LRP1B: variants seen among roughly 807,000 people sequenced by gnomAD.
LRP1B encodes the protein low-density lipoprotein receptor-related protein 1B.
A neutral mutation model predicts 556.6 loss-of-function variants in LRP1B; 217 were observed. The observed-to-expected ratio is 0.39, with a 90% confidence interval of 0.35 to 0.44. LRP1B has a LOEUF of 0.44. Among genes scored for constraint, LRP1B ranks in the 20% least tolerant of loss-of-function variants. LRP1B has a pLI of 1.00. For missense variants in LRP1B, 5,053 were observed against 5,620.8 expected, an observed-to-expected ratio of 0.90 and a Z score of 3.23; for synonymous variants, 2,047 against 1,865.8, an observed-to-expected ratio of 1.10 and a Z score of -2.50.
In LRP1B at chr2:140,767,773, C is replaced by A. The variant is rs553985400; in HGVS notation, c.5758+1440G>T. ...CTCATGGAAATTTATCAAATATTTT[C>A]AAAAATCATTATGGAGTCTTCAAAA... is the stretch of plus-strand genomic sequence containing the variant. On this transcript the variant is annotated intron_variant, in intron 35 of 90. Transcript: ENST00000389484. Among the ~76,000 whole-genome samples, 53 of 151,738 alleles carry A rather than the reference C, an allele frequency of 3.5e-4. No individual in the cohort carries two copies. The South Asian group carries it at 0.011, about 30-fold the overall frequency.
intron 2 of LRP1B, among the ~76,000 whole-genome samples, chr2:141,605,834 A>G (rs144103696): frequency 0.012 from 1,828 of 152,274 alleles, 41 homozygotes; most frequent in African/African-American, 0.041. Flanking sequence ...AGTCAATGTC[A>G]AAAGATTGTC....
chr2:141,165,222 C>A (rs1370396053), intron 7 of LRP1B, among the ~76,000 whole-genome samples: 2 of 151,928 alleles, frequency 1.3e-5, no homozygotes, highest in Admixed American at 6.6e-5. Flanking sequence ...CTTCAGAAAT[C>A]ATCAGCCAAG....
rs538799405 is a variant in LRP1B, at chr2:140,776,192, G to A, written c.5406C>T (p.Thr1802=). Residue 1802 remains threonine (T), a synonymous_variant, in exon 33 of 91, where the codon ACC becomes ACT. Transcript: ENST00000389484. ...WADQNLAQLG[T]CSKRDGRNPT... ...GGTTTCTTCCGTCTCTTTTGCTGCA[G>A]GTTCCTAGCTGGGCTAAGTTTTGGT... 4.4e-6 allele frequency: 7 copies of A among 1,602,126 alleles called. No individual in the cohort carries two copies. The highest frequency in any genetic ancestry group is 1.4e-5 in the African/African-American group (1 of 73,860).
chr2:142,124,593 A>G (rs1707572652), intron 1 of LRP1B, among the ~76,000 whole-genome samples: 1 of 149,310 alleles, frequency 6.7e-6, no homozygotes. Context: ...AAAGACAAAA[A>G]GAAAAATAAT....
chr2:142,052,966 T>C (rs1039399336), intron 1 of LRP1B, among the ~76,000 whole-genome samples: 4 of 152,172 alleles, frequency 2.6e-5, no homozygotes, highest in Non-Finnish European at 5.9e-5. Flanking sequence ...ACAAAAGGAA[T>C]CAAATTTAGA....
At chr2:141,929,352 A>C (rs920103) in intron 1 of LRP1B, among the ~76,000 whole-genome samples, 132,391 of 152,070 alleles carry the variant, frequency 0.87, 57,726 homozygotes, top group East Asian at 1. Flanking sequence ...GGTGTCACAT[A>C]CTTTAATATT....
intron 41 of LRP1B, among the ~76,000 whole-genome samples, chr2:140,682,266 A>G (rs931483460): frequency 1.3e-5 from 2 of 152,140 alleles, no homozygotes; most frequent in African/African-American, 4.8e-5. Flanking sequence ...AATTCTGTCT[A>G]TATTCGTACC....
At position 140,766,024 on chromosome 2, in the gene LRP1B, T is replaced by TA. The variant is rs577747429; in HGVS notation, c.5758+3188dup. On this transcript the variant is annotated intron_variant, in intron 35 of 90. Transcript: ENST00000389484. ...AACTTAAAGTATAATAACAATAAAA[T>TA]AAAAAAAAAGAATAAGAGGCAACTG... Among the ~76,000 whole-genome samples, 257 of 150,728 alleles carry TA rather than the reference T, an allele frequency of 1.7e-3. 1 individual carries two copies. The highest frequency in any genetic ancestry group is 1.9e-3 in the Admixed American group (28 of 15,074).
intron 41 of LRP1B, among the ~76,000 whole-genome samples, chr2:140,605,572 G>T (rs913439360): frequency 6.4e-5 from 9 of 141,454 alleles, no homozygotes; most frequent in East Asian, 2.1e-4. Context: ...TTTCTTTCTT[G>T]CTTGCTTGCT....
At chr2:140,858,704 T>G (rs984588620) in intron 27 of LRP1B, among the ~76,000 whole-genome samples, 3 of 151,996 alleles carry the variant, frequency 2.0e-5, no homozygotes, top group African/African-American at 7.2e-5. Flanking sequence ...CTAGTATCCA[T>G]TAGCGATTTT....
At chr2:142,111,732 T>C (rs1012272021) in intron 1 of LRP1B, among the ~76,000 whole-genome samples, 9 of 152,086 alleles carry the variant, frequency 5.9e-5, no homozygotes, top group African/African-American at 2.2e-4. Context: ...GTGGAATCCA[T>C]GCCAGTCTTA....
chr2:140,448,795 C>T (rs538818980), intron 63 of LRP1B, among the ~76,000 whole-genome samples: 2 of 152,088 alleles, frequency 1.3e-5, no homozygotes, highest in East Asian at 1.9e-4. Flanking sequence ...TGATGTAATG[C>T]ATATGTTAAA....
intron 41 of LRP1B, among the ~76,000 whole-genome samples, chr2:140,626,765 C>T (rs1683678265): frequency 1.4e-5 from 2 of 145,074 alleles, no homozygotes; most frequent in Admixed American, 1.4e-4. Flanking sequence ...AAAATATATC[C>T]AAAATATTCA....
At chr2:141,321,294 G>A (rs971597837) in intron 3 of LRP1B, among the ~76,000 whole-genome samples, 1 of 151,912 alleles carries the variant, frequency 6.6e-6, no homozygotes, top group African/African-American at 2.4e-5. Flanking sequence ...ACAAACATTG[G>A]CTTGTAAAAC....
intron 10 of LRP1B, among the ~76,000 whole-genome samples, chr2:141,049,755 T>C (rs1293458873): frequency 1.3e-5 from 2 of 152,116 alleles, no homozygotes; most frequent in African/African-American, 4.8e-5. Context: ...TGTGACTTAT[T>C]CTTTTTAGAA....
intron 2 of LRP1B, among the ~76,000 whole-genome samples, chr2:141,560,267 T>C (rs1244518018): frequency 6.6e-6 from 1 of 151,766 alleles, no homozygotes; most frequent in East Asian, 1.9e-4. Flanking sequence ...TTCATTCTCC[T>C]TTCCCCAAGG....
chr2:140,840,943 A>C lies in LRP1B; in HGVS notation c.5089T>G (p.Cys1697Gly). ...CCCCTGACTGGGTGAGCTGCAAGAC[A>C]CTGTGGCTTATCGATTCCATGGATA... ...SIIHGIDKPQ[C>G]LAAHPVRGKL... Residue 1697 changes from cysteine (C) to glycine (G), a missense_variant, in exon 30 of 91, where the codon TGT becomes GGT. Cys to Gly is a radical substitution (Grantham distance 159). Coordinates refer to ENST00000389484, the MANE Select transcript of LRP1B (RefSeq NM_018557.3). The C allele has an allele frequency of 6.2e-7, 1 of 1,613,088 alleles. No individual in the cohort carries two copies. The highest frequency in any genetic ancestry group is 1.3e-5 in the African/African-American group (1 of 74,984).
rs760360250 is a variant in LRP1B, at chr2:140,598,759, C to T, written c.7066G>A (p.Val2356Met). 6.2e-7 allele frequency: 1 copy of T among 1,612,986 alleles called. No homozygotes were observed. ...GTGAGTATGTCTGTACTGACCACCACTTGAGCATTTTTCCCAGTCAGAGTA... is the reference window on the plus strand; with the variant it reads ...GTGAGTATGTCTGTACTGACCACCATTTGAGCATTTTTCCCAGTCAGAGTA... The part of the protein sequence containing the change: ...RSTLTGKNAQ[V>M]VVSTDILTPN... Residue 2356 changes from valine to methionine, a missense_variant, in exon 43 of 91, where the codon GTG (valine) becomes ATG (methionine). Physicochemically the swap from Val to Met is conservative, Grantham distance 21 (BLOSUM62 1). Transcript: ENST00000389484.
Position 140,509,981 on chromosome 2 carries a change from T to C in LRP1B, c.8345A>G (p.Asp2782Gly). 3 of 1,613,908 alleles carry C rather than the reference T, an allele frequency of 1.9e-6. No individual in the cohort carries two copies. The highest frequency in any genetic ancestry group is 2.5e-6 in the Non-Finnish European group (3 of 1,180,018). ...RACVPRHWLC[D>G]GERDCPDGSD... ...TCCATCTGGACAGTCCCTTTCACCA[T>C]CACAAAGCCAATGTCGGGGCACGCA... The change falls in exon 52 of 91, where the codon GAT (aspartate) becomes GGT (glycine). Residue 2782 changes from aspartate (D) to glycine (G), a missense_variant. By Grantham distance (94) the Asp-to-Gly change is moderately conservative. Coordinates refer to ENST00000389484, the MANE Select transcript of LRP1B (RefSeq NM_018557.3).
Sources: gnomAD v4.1 joint callset for allele counts (sites outside exome capture counted in the v4.1 genomes callset) on GRCh38, gnomAD v4.1.1 for gene constraint, MANE v1.5 for transcripts, NCBI Gene and HGNC (gene_info 2026-07-23, HGNC 2026-07-21) for gene names.